The following RBFOX1 variants were observed in gnomAD, a reference collection of about 807,000 sequenced individuals.
RBFOX1 encodes RNA binding protein fox-1 homolog 1.
RBFOX1 carries 8 observed loss-of-function variants against 57.7 expected under a neutral mutation model. That is an observed-to-expected ratio of 0.14 (90% CI 0.08 to 0.25). RBFOX1 has a LOEUF of 0.25. Among genes scored for constraint, RBFOX1 ranks in the 10% least tolerant of loss-of-function variants. The probability of loss-of-function intolerance (pLI) is 1.00; values close to 1 mark genes in which losing one functional copy is unlikely to be tolerated. For synonymous variants in RBFOX1, 326 were observed against 222.4 expected (o/e 1.47, Z -4.15); for missense variants, 611 against 548.5 (o/e 1.11, Z -1.14).
intron 4 of RBFOX1, among the ~76,000 whole-genome samples, chr16:7,273,049 TCCCTCCCTC>T: frequency 9.5e-6 from 1 of 105,020 alleles, no homozygotes; most frequent in African/African-American, 3.9e-5. Context: ...TCCCCTCCCT[TCCCTCCCTC>T]CTTCCCTCCC....
intron 2 of RBFOX1, among the ~76,000 whole-genome samples, chr16:6,425,165 A>G (rs937295179): frequency 6.6e-6 from 1 of 152,186 alleles, no homozygotes; most frequent in African/African-American, 2.4e-5. Flanking sequence ...AAATCTGAGT[A>G]GATAGAGGAA....
chr16:7,284,525 C>T (rs1322160803), intron 4 of RBFOX1, among the ~76,000 whole-genome samples: 1 of 151,854 alleles, frequency 6.6e-6, no homozygotes, highest in African/African-American at 2.4e-5. Flanking sequence ...GAGATGAGGT[C>T]CTGCTATATT....
intron 3 of RBFOX1, among the ~76,000 whole-genome samples, chr16:5,748,051 T>C (rs1408820929): frequency 2.6e-5 from 4 of 152,248 alleles, no homozygotes; most frequent in Non-Finnish European, 2.9e-5. Context: ...TTTAAATGTG[T>C]CCCAGATATT....
At chr16:6,868,748 G>C (rs1056171902) in intron 3 of RBFOX1, among the ~76,000 whole-genome samples, 1 of 152,138 alleles carries the variant, frequency 6.6e-6, no homozygotes, top group East Asian at 1.9e-4. Context: ...TGAGATTATA[G>C]GCATGAGCCA....
intron 4 of RBFOX1, among the ~76,000 whole-genome samples, chr16:7,153,623 G>A (rs71374931): frequency 2.1e-4 from 31 of 150,976 alleles, no homozygotes; most frequent in Non-Finnish European, 2.9e-4. Context: ...GGAGGGGGGC[G>A]CCTATAATTC....
chr16:5,677,757 A>G (rs567902256), intron 3 of RBFOX1, among the ~76,000 whole-genome samples: 5 of 152,292 alleles, frequency 3.3e-5, no homozygotes, highest in Middle Eastern at 3.4e-3. Flanking sequence ...CTAGGGGAAG[A>G]GTGTTCCAGA....
intron 2 of RBFOX1, among the ~76,000 whole-genome samples, chr16:6,377,631 G>A (rs988814390): frequency 1.3e-5 from 2 of 152,092 alleles, no homozygotes; most frequent in East Asian, 1.9e-4. Context: ...TCCTCCAAGC[G>A]CCTCACCCTC....
At chr16:6,431,349 G>C (rs56046013) in intron 2 of RBFOX1, among the ~76,000 whole-genome samples, 6,160 of 151,968 alleles carry the variant, frequency 0.041, 420 homozygotes, top group African/African-American at 0.14. Flanking sequence ...TGGCAACAGA[G>C]GAAATATGGA....
intron 2 of RBFOX1, among the ~76,000 whole-genome samples, chr16:5,594,044 G>A (rs550479406): frequency 6.6e-6 from 1 of 151,894 alleles, no homozygotes; most frequent in African/African-American, 2.4e-5. Context: ...CATGGCCTTG[G>A]CTTGGAGCTT....
chr16:5,871,657 A>G (rs1339851577), intron 4 of RBFOX1, among the ~76,000 whole-genome samples: 2 of 152,170 alleles, frequency 1.3e-5, no homozygotes, highest in Non-Finnish European at 2.9e-5. Flanking sequence ...TAACACAAAG[A>G]TCTGAGACCC....
chr16:5,808,075 A>G (rs2055291734), intron 3 of RBFOX1, among the ~76,000 whole-genome samples: 1 of 152,178 alleles, frequency 6.6e-6, no homozygotes. Flanking sequence ...CCCCAGTCCC[A>G]TTTCAAACGC....
chr16:6,819,968 C>T (rs953207807), intron 3 of RBFOX1, among the ~76,000 whole-genome samples: 2 of 152,240 alleles, frequency 1.3e-5, no homozygotes, highest in Admixed American at 6.5e-5. Flanking sequence ...CATCCTCTGG[C>T]TGTGTCCCCA....
intron 3 of RBFOX1, among the ~76,000 whole-genome samples, chr16:5,774,539 C>G (rs1408917305): frequency 6.6e-6 from 1 of 152,190 alleles, no homozygotes; most frequent in East Asian, 1.9e-4. Flanking sequence ...TTCCACATAT[C>G]CTAGTAAGTA....
chr16:6,934,268 G>T (rs1310557664), intron 3 of RBFOX1, among the ~76,000 whole-genome samples: 1 of 152,138 alleles, frequency 6.6e-6, no homozygotes, highest in Non-Finnish European at 1.5e-5. Flanking sequence ...TCTTCAGTCT[G>T]GACTGAAGTT....
At chr16:7,428,882 C>A (rs906251795) in intron 4 of RBFOX1, among the ~76,000 whole-genome samples, 3 of 152,012 alleles carry the variant, frequency 2.0e-5, no homozygotes, top group African/African-American at 4.8e-5. Flanking sequence ...GCAGCAGCAG[C>A]AACAGTAGTA....
chr16:6,747,666 C>T (rs902854774), intron 3 of RBFOX1, among the ~76,000 whole-genome samples: 2 of 152,168 alleles, frequency 1.3e-5, no homozygotes, highest in Non-Finnish European at 2.9e-5. Context: ...CACACCACCC[C>T]TACTATGTCC....
At chr16:6,435,647 A>G (rs1255928591) in intron 2 of RBFOX1, among the ~76,000 whole-genome samples, 1 of 152,162 alleles carries the variant, frequency 6.6e-6, no homozygotes, top group African/African-American at 2.4e-5. Flanking sequence ...AGATTTATAG[A>G]CACTGGGGCA....
intron 3 of RBFOX1, among the ~76,000 whole-genome samples, chr16:6,961,001 G>A (rs1023810076): frequency 6.7e-6 from 1 of 149,598 alleles, no homozygotes; most frequent in Middle Eastern, 3.2e-3. Flanking sequence ...AAAATTAGCT[G>A]GGCATGGTGG....
At chr16:7,428,492 ATTTTAT>A (rs1450893360) in intron 4 of RBFOX1, among the ~76,000 whole-genome samples, 14 of 112,086 alleles carry the variant, frequency 1.2e-4, no homozygotes, top group African/African-American at 4.8e-4. Flanking sequence ...ACTCCTGGCT[ATTTTAT>A]TATTATTATT....
Sources: allele counts gnomAD v4.1 joint callset (sites outside exome capture counted in the v4.1 genomes callset), GRCh38; gene constraint gnomAD v4.1.1; transcripts MANE v1.5; gene names NCBI Gene and HGNC (gene_info 2026-07-23, HGNC 2026-07-21).